Variants in KCNIP4 observed in about 807,000 individuals in gnomAD.
The protein encoded by KCNIP4 is Kv channel-interacting protein 4.
KCNIP4 carries 12 observed loss-of-function variants against 34.0 expected under a neutral mutation model. The observed-to-expected ratio is 0.35, with a 90% CI of 0.23 to 0.57. KCNIP4 has a LOEUF of 0.57. KCNIP4 is among the 20% of genes least tolerant of loss of function. The pLI, the probability that KCNIP4 is intolerant of heterozygous loss-of-function variation, is 0.83. For missense variants in KCNIP4, 238 were observed against 311.7 expected (o/e 0.76, Z 1.78); for synonymous variants, 124 against 102.2 (o/e 1.21, Z -1.29).
intron 1 of KCNIP4, among the ~76,000 whole-genome samples, chr4:21,549,275 C>A: frequency 6.6e-6 from 1 of 151,934 alleles, no homozygotes; most frequent in East Asian, 1.9e-4. Flanking sequence ...CTACCTGATA[C>A]AATTTGGATG....
intron 1 of KCNIP4, among the ~76,000 whole-genome samples, chr4:20,923,115 T>C (rs1729569424): frequency 6.6e-6 from 1 of 152,116 alleles, no homozygotes; most frequent in Non-Finnish European, 1.5e-5. Flanking sequence ...TTCTTTAAGG[T>C]CATCATATTA....
chr4:20,793,115 C>T (rs1457479525), intron 3 of KCNIP4, among the ~76,000 whole-genome samples: 2 of 152,152 alleles, frequency 1.3e-5, no homozygotes, highest in African/African-American at 2.4e-5. Context: ...AAAACCTGTA[C>T]ATGAATGTTA....
intron 1 of KCNIP4, among the ~76,000 whole-genome samples, chr4:21,170,739 AT>A (rs1753964500): frequency 6.6e-6 from 1 of 152,216 alleles, no homozygotes; most frequent in Non-Finnish European, 1.5e-5. Flanking sequence ...GTGGAAAATA[AT>A]TTTAAACATA....
At chr4:21,672,450 T>C (rs890870532) in intron 1 of KCNIP4, among the ~76,000 whole-genome samples, 4 of 152,204 alleles carry the variant, frequency 2.6e-5, no homozygotes, top group African/African-American at 9.6e-5. Flanking sequence ...AACACACCTA[T>C]TCCTAGAATT....
At chr4:20,848,637 A>C (rs1192267731) in intron 3 of KCNIP4, among the ~76,000 whole-genome samples, 3 of 152,194 alleles carry the variant, frequency 2.0e-5, no homozygotes, top group Non-Finnish European at 4.4e-5. Flanking sequence ...TCCAATTTAT[A>C]GCAAATGCAA....
intron 1 of KCNIP4, among the ~76,000 whole-genome samples, chr4:21,481,759 T>C (rs1243355734): frequency 6.6e-6 from 1 of 152,162 alleles, no homozygotes; most frequent in African/African-American, 2.4e-5. Context: ...AACAAAGCCT[T>C]ACCTCACTTT....
chr4:21,346,542 A>G (rs532182092), intron 1 of KCNIP4, among the ~76,000 whole-genome samples: 1 of 151,810 alleles, frequency 6.6e-6, no homozygotes, highest in Admixed American at 6.6e-5. Context: ...GCTAAAGTCT[A>G]AAGCACAGTG....
At chr4:21,801,161 A>G (rs1720968601) in intron 1 of KCNIP4, among the ~76,000 whole-genome samples, 1 of 152,214 alleles carries the variant, frequency 6.6e-6, no homozygotes, top group Non-Finnish European at 1.5e-5. Context: ...TTCTAACACC[A>G]GTTTTCATAG....
chr4:21,308,341 C>T (rs182484493), intron 1 of KCNIP4, among the ~76,000 whole-genome samples: 7 of 152,294 alleles, frequency 4.6e-5, no homozygotes, highest in East Asian at 3.9e-4. Flanking sequence ...ACTTAATCTC[C>T]GTGGAGCACA....
intron 1 of KCNIP4, among the ~76,000 whole-genome samples, chr4:21,668,034 T>C (rs1013014398): frequency 6.6e-6 from 1 of 152,224 alleles, no homozygotes; most frequent in East Asian, 1.9e-4. Context: ...ATATATACCA[T>C]GGAATACTAT....
chr4:21,937,122 G>A (rs542398654), intron 1 of KCNIP4, among the ~76,000 whole-genome samples: 27 of 152,180 alleles, frequency 1.8e-4, no homozygotes, highest in Middle Eastern at 3.4e-3. Context: ...AATGCTGGAC[G>A]TGTAATAAAT....
chr4:20,967,177 G>A (rs1734436098), intron 1 of KCNIP4, among the ~76,000 whole-genome samples: 1 of 152,178 alleles, frequency 6.6e-6, no homozygotes, highest in Non-Finnish European at 1.5e-5. Flanking sequence ...CTTGCTCAAA[G>A]TATGCATGAT....
chr4:21,423,698 A>T (rs1725689315), intron 1 of KCNIP4, among the ~76,000 whole-genome samples: 1 of 152,200 alleles, frequency 6.6e-6, no homozygotes, highest in African/African-American at 2.4e-5. Flanking sequence ...TTAAAATATC[A>T]GCCATATGTT....
chr4:21,271,755 A>G (rs1762157229), intron 1 of KCNIP4, among the ~76,000 whole-genome samples: 1 of 152,196 alleles, frequency 6.6e-6, no homozygotes, highest in Admixed American at 6.6e-5. Context: ...TAAGGCTCGC[A>G]CACACATAAG....
chr4:21,214,405 C>T (rs1757423676), intron 1 of KCNIP4, among the ~76,000 whole-genome samples: 1 of 152,128 alleles, frequency 6.6e-6, no homozygotes, highest in Non-Finnish European at 1.5e-5. Flanking sequence ...TACGTTCTGT[C>T]TCTTTCATTA....
At chr4:21,876,980 G>GA (rs200388723) in intron 1 of KCNIP4, among the ~76,000 whole-genome samples, 28 of 137,582 alleles carry the variant, frequency 2.0e-4, no homozygotes, top group East Asian at 6.3e-4. Context: ...TGGATTAGGA[G>GA]AAAAAAAAAA....
At chr4:21,472,380 C>T (rs887477018) in intron 1 of KCNIP4, among the ~76,000 whole-genome samples, 1 of 152,024 alleles carries the variant, frequency 6.6e-6, no homozygotes, top group African/African-American at 2.4e-5. Flanking sequence ...CCAGTCCCCC[C>T]AGAGTGCTCA....
At chr4:21,816,491 A>C (rs1017249735) in intron 1 of KCNIP4, among the ~76,000 whole-genome samples, 3 of 152,178 alleles carry the variant, frequency 2.0e-5, no homozygotes, top group Non-Finnish European at 2.9e-5. Context: ...AGAACTTCAA[A>C]AGCCAAGTCA....
chr4:21,514,438 T>C (rs1302306609), intron 1 of KCNIP4, among the ~76,000 whole-genome samples: 1 of 152,154 alleles, frequency 6.6e-6, no homozygotes, highest in Non-Finnish European at 1.5e-5. Context: ...AAAGACATCA[T>C]TGTATTATTG....
Sources: allele counts gnomAD v4.1 joint callset (sites outside exome capture counted in the v4.1 genomes callset), GRCh38; gene constraint gnomAD v4.1.1; transcripts MANE v1.5; gene names NCBI Gene and HGNC (gene_info 2026-07-23, HGNC 2026-07-21).